Variants in CATSPERG observed in about 807,000 individuals in gnomAD.
The protein encoded by CATSPERG is cation channel sperm-associated auxiliary subunit gamma.
Under a neutral mutation model 145.0 loss-of-function variants are expected in CATSPERG, and 115 were observed. That is an observed-to-expected ratio of 0.79 (90% CI 0.68 to 0.93). CATSPERG has a LOEUF of 0.93. CATSPERG is among the 40% of genes least tolerant of loss of function. The pLI, the probability that CATSPERG is intolerant of heterozygous loss-of-function variation, is 0.00. For synonymous variants in CATSPERG, 588 were observed against 589.0 expected, an observed-to-expected ratio of 1.00 and a Z score of 0.02; for missense variants, 1,296 against 1,490.1, an observed-to-expected ratio of 0.87 and a Z score of 2.14.
rs1052826434 is a variant in CATSPERG at position 38,359,739 on chromosome 19, G to T, written c.1608+158G>T. ...GCTCCATTTATAACTGAAACTCCTG[G>T]AACTCAGGGTAAGTGTCAGCTCCAA... On this transcript the variant is annotated intron_variant, in intron 14 of 28. Coordinates refer to ENST00000409235, the MANE Select transcript of CATSPERG (RefSeq NM_021185.5). The T allele has an allele frequency of 7.3e-6, 10 of 1,377,768 alleles. No individual in the cohort carries two copies. The South Asian group carries it at 1.4e-4, about 19-fold the overall frequency. 85.3% of individuals were successfully genotyped at this position (1,377,768 alleles called of 1,614,324 possible). A position where few individuals can be genotyped will look rare whatever the true frequency, so the allele number is the denominator to read the frequency against.
At chr19:38,337,105 G>C in intron 1 of CATSPERG, 116 bp from the exon 2 acceptor site, 2 of 1,299,448 alleles carry the variant, frequency 1.5e-6, no homozygotes, top group Non-Finnish European at 2.1e-6. Flanking sequence ...CCAGGAGCAA[G>C]AGCCGGGGCG....
chr19:38,359,791 G>A (rs960675108), intron 14 of CATSPERG: 125 of 1,310,850 alleles, frequency 9.5e-5, no homozygotes, highest in Non-Finnish European at 1.1e-4. Flanking sequence ...GCTATGATCC[G>A]ATGTTCAGAG....
rs542497062 is a variant in CATSPERG at position 38,351,948 on chromosome 19, C to T, written c.826-313C>T. On this transcript the variant is annotated intron_variant, in intron 7 of 28. Coordinates refer to ENST00000409235, the MANE Select transcript of CATSPERG (RefSeq NM_021185.5). The stretch of plus-strand genomic sequence containing the variant: ...TGGGGCGAGCATGGGGTGTTGTATC[C>T]ATGTAGGTATAACACTGACTGTAGC... 5.3e-5 allele frequency among the ~76,000 whole-genome samples: 8 copies of T among 152,174 alleles called. No individual in the cohort carries two copies. The South Asian group carries it at 1.7e-3, about 32-fold the overall frequency.
chr19:38,337,809 C>A, intron 3 of CATSPERG, 163 bp downstream of exon 3: 2 of 592,738 alleles, frequency 3.4e-6, no homozygotes, highest in Non-Finnish European at 5.6e-6. Context: ...ACCTCCGCCT[C>A]CCGTGTTCAA....
chr19:38,365,273 C>A, intron 22 of CATSPERG, 156 bp downstream of exon 22: 1 of 651,078 alleles, frequency 1.5e-6, no homozygotes, highest in Admixed American at 2.7e-5. Flanking sequence ...CACCCACTAA[C>A]TCCTTTCATT....
intron 1 of CATSPERG, chr19:38,336,287 T>C (rs1233061821): frequency 4.6e-6 from 2 of 431,058 alleles, no homozygotes; most frequent in African/African-American, 2.1e-5. Flanking sequence ...CGAGGAAAGA[T>C]CCCGAGGCGA....
In CATSPERG at chr19:38,367,313, G is replaced by C. The variant is rs1441756377; in HGVS notation, c.2770+1G>C. 19 of 1,610,238 alleles carry C rather than the reference G, an allele frequency of 1.2e-5. No individual in the cohort carries two copies. The highest frequency in any genetic ancestry group is 1.6e-5 in the Non-Finnish European group (19 of 1,179,236). On this transcript the variant is annotated splice_donor_variant, in intron 23 of 28. Transcript: ENST00000409235. LOFTEE classifies it high-confidence loss of function. ...ATGCCCTGCTTTCTCTTCCGGGACA[G>C]TGTGTGTCCAGTCCCTTCCCCTGCA...
chr19:38,359,546 C>A lies in CATSPERG; in HGVS notation c.1573C>A (p.Arg525Ser), dbSNP rs778201417. ...LSIKYMARSF[R>S]GAVAIVTETE... ...CATCAAATACATGGCCAGATCGTTC[C>A]GTGGGGCTGTGGCTATTGTCACAGA... The change falls in exon 14 of 29, where the codon CGT (arginine) becomes AGT (serine). Residue 525 changes from arginine to serine, a missense_variant. By Grantham distance (110) the Arg-to-Ser change is moderately radical. Transcript: ENST00000409235. 26 of 1,613,540 alleles carry A rather than the reference C, an allele frequency of 1.6e-5. No homozygotes were observed. The highest frequency in any genetic ancestry group is 1.5e-4 in the South Asian group (14 of 91,068).
At chr19:38,359,404 T>G in intron 13 of CATSPERG, 66 bp from the exon 14 acceptor site, 2 of 1,008,444 alleles carry the variant, frequency 2.0e-6, no homozygotes, top group Non-Finnish European at 3.1e-6. Context: ...TCCCGTGTTA[T>G]TAGGCCTGGG....
chr19:38,344,500 T>A, intron 6 of CATSPERG, 132 bp downstream of exon 6: 1 of 767,050 alleles, frequency 1.3e-6, no homozygotes, highest in South Asian at 1.5e-5. Flanking sequence ...GAAGATCCCA[T>A]TAATCTCCCC....
intron 20 of CATSPERG, 116 bp from the exon 21 acceptor site, chr19:38,364,775 C>A (rs1364706579): frequency 3.7e-6 from 3 of 812,198 alleles, no homozygotes; most frequent in Non-Finnish European, 6.4e-6. Context: ...TGGCAGCCTT[C>A]CGTTTTCCTA....
At position 38,362,357 on chromosome 19, in the gene CATSPERG, C is replaced by T. The variant is rs1347713388; in HGVS notation, c.2158-19C>T. 5 of 1,614,008 alleles carry T rather than the reference C, an allele frequency of 3.1e-6. No homozygotes were observed. The highest frequency in any genetic ancestry group is 2.2e-5 in the East Asian group (1 of 44,878). On this transcript the variant is annotated intron_variant, in intron 18 of 28. Transcript: ENST00000409235. ...CCCACCCCCGGCGCTGACTCTGCCC[C>T]GCGCATCCGGTACCCCAGGATTACT...
rs772886859 is a variant in CATSPERG at position 38,362,186 on chromosome 19, C to T, written c.2095-24C>T. On this transcript the variant is annotated intron_variant, in intron 17 of 28. Coordinates refer to ENST00000409235, the MANE Select transcript of CATSPERG (RefSeq NM_021185.5). The stretch of plus-strand genomic sequence containing the variant: ...CTCTCGCCCCGCTGCCCAATCCCTT[C>T]ACGGTGCCGGGCGATCCCTGCAGCC... The T allele has an allele frequency of 8.9e-6, 14 of 1,567,830 alleles. No individual in the cohort carries two copies. In the East Asian group the frequency reaches 3.4e-4, roughly 38 times the overall value.
intron 7 of CATSPERG, among the ~76,000 whole-genome samples, chr19:38,346,986 G>A (rs1970051684): frequency 6.6e-6 from 1 of 152,190 alleles, no homozygotes; most frequent in African/African-American, 2.4e-5. Flanking sequence ...TGAGGTAGGA[G>A]AATCGCTTGA....
chr19:38,343,966 G>A (rs1969982047), intron 4 of CATSPERG, 27 bp from the exon 5 acceptor site: 1 of 1,547,782 alleles, frequency 6.5e-7, no homozygotes, highest in Non-Finnish European at 8.7e-7. Context: ...GGCCCCAGCA[G>A]TTTCAGTGCC....
intron 11 of CATSPERG, among the ~76,000 whole-genome samples, chr19:38,357,714 G>A (rs893456937): frequency 3.3e-5 from 5 of 152,228 alleles, no homozygotes; most frequent in Admixed American, 3.3e-4. Flanking sequence ...CACTCTGGGA[G>A]GCCGAGGCGG....
chr19:38,365,851 T>G (rs61091932), intron 22 of CATSPERG: 25,866 of 152,084 alleles, frequency 0.17, 2,288 homozygotes, highest in South Asian at 0.22. Flanking sequence ...GGGATTACAG[T>G]TGCATACCAC....
At chr19:38,344,765 A>G (rs908549934) in intron 6 of CATSPERG, among the ~76,000 whole-genome samples, 5 of 123,736 alleles carry the variant, frequency 4.0e-5, no homozygotes, top group Non-Finnish European at 9.0e-5. Context: ...TATAGTACAT[A>G]CCTGTACATA....
rs770389544 is a variant in CATSPERG, at chr19:38,370,069, G to A, written c.3113+5G>A. Reference sequence around the variant, plus strand: ...CAAGGTGTTGGTGAGCAATAGGTGAGCCAGGCAAGTGGCCCAGGTGCGGGT... The same window carrying A: ...CAAGGTGTTGGTGAGCAATAGGTGAACCAGGCAAGTGGCCCAGGTGCGGGT... On this transcript the variant is annotated splice_donor_5th_base_variant and intron_variant, in intron 27 of 28. Transcript: ENST00000409235. The A allele has an allele frequency of 1.9e-6, 3 of 1,614,118 alleles. No homozygotes were observed. Among genetic ancestry groups the A allele is most frequent in the Non-Finnish European group, 2.5e-6 (3 of 1,179,976 alleles).
Sources: allele counts gnomAD v4.1 joint callset (sites outside exome capture counted in the v4.1 genomes callset), GRCh38; gene constraint gnomAD v4.1.1; transcripts MANE v1.5; gene names NCBI Gene and HGNC (gene_info 2026-07-23, HGNC 2026-07-21).